SH3PXD2A: variants seen among roughly 807,000 people sequenced by gnomAD.
SH3PXD2A encodes the protein SH3 and PX domain-containing protein 2A.
Under a neutral mutation model 115.2 loss-of-function variants are expected in SH3PXD2A, and 32 were observed. That is an observed-to-expected ratio of 0.28 (90% CI 0.21 to 0.37). The LOEUF (loss-of-function observed/expected upper bound fraction) is 0.37, where lower values mean the gene tolerates loss of function less well. Ranked by LOEUF, SH3PXD2A falls within the 10% of genes least tolerant of loss-of-function variation. SH3PXD2A has a pLI of 1.00. For synonymous variants in SH3PXD2A, 610 were observed against 629.1 expected (o/e 0.97, Z 0.45); for missense variants, 1,328 against 1,498.7 (o/e 0.89, Z 1.88).
intron 5 of SH3PXD2A, among the ~76,000 whole-genome samples, chr10:103,694,935 G>C (rs553303285): frequency 1.3e-5 from 2 of 152,222 alleles, no homozygotes; most frequent in Admixed American, 1.3e-4. Flanking sequence ...ACTGGGCAGA[G>C]ACTGAGTCCT....
chr10:103,819,435 G>C (rs564178790), intron 1 of SH3PXD2A, among the ~76,000 whole-genome samples: 1 of 152,142 alleles, frequency 6.6e-6, no homozygotes, highest in Non-Finnish European at 1.5e-5. Context: ...CTAGGGGAGG[G>C]GGCATGACAC....
Position 103,594,918 on chromosome 10 carries a change from C to G in SH3PXD2A, c.*6898G>C, listed in dbSNP as rs1245675213. The G allele has an allele frequency of 1.3e-5, 2 of 152,166 alleles. No individual in the cohort carries two copies. Among genetic ancestry groups the G allele is most frequent in the Non-Finnish European group, 2.9e-5 (2 of 68,036 alleles). 9.4% of individuals were successfully genotyped at this position (152,166 alleles called of 1,614,324 possible). A position where few individuals can be genotyped will look rare whatever the true frequency, so the allele number is the denominator to read the frequency against. Reference sequence around the variant, plus strand: ...AGGTTGCCTTCCTCCCAGATGTGCCCAATGGAGTCTGAACTCTGGTTCTAA... The same window carrying G: ...AGGTTGCCTTCCTCCCAGATGTGCCGAATGGAGTCTGAACTCTGGTTCTAA... On this transcript the variant is annotated 3_prime_UTR_variant, in exon 15 of 15. Coordinates refer to ENST00000369774, the MANE Select transcript of SH3PXD2A (RefSeq NM_001394015.1).
intron 5 of SH3PXD2A, among the ~76,000 whole-genome samples, chr10:103,712,609 C>T (rs938002139): frequency 2.0e-5 from 3 of 152,230 alleles, no homozygotes; most frequent in Non-Finnish European, 2.9e-5. Flanking sequence ...ACTTGGCAGT[C>T]TCAGCAAACC....
At chr10:103,648,339 CTTG>C (rs1383745425) in intron 8 of SH3PXD2A, among the ~76,000 whole-genome samples, 1 of 152,142 alleles carries the variant, frequency 6.6e-6, no homozygotes, top group African/African-American at 2.4e-5. Flanking sequence ...TTTCATGGCT[CTTG>C]TTTAACTTGA....
intron 2 of SH3PXD2A, among the ~76,000 whole-genome samples, chr10:103,777,089 A>T (rs1481036368): frequency 6.6e-6 from 1 of 152,248 alleles, no homozygotes; most frequent in East Asian, 1.9e-4. Flanking sequence ...TCTGCATTCA[A>T]ATCAGTTTCC....
chr10:103,735,857 A>G, intron 3 of SH3PXD2A, 49 bp from the exon 4 acceptor site: 5 of 1,422,710 alleles, frequency 3.5e-6, no homozygotes, highest in Non-Finnish European at 4.0e-6. Flanking sequence ...AAACTGCTAC[A>G]GAGACCTTCT....
At chr10:103,749,656 C>T (rs557527119) in intron 3 of SH3PXD2A, 17 of 152,378 alleles carry the variant, frequency 1.1e-4, no homozygotes, top group Admixed American at 8.5e-4. Flanking sequence ...ACTCTTGCCT[C>T]GTGGTCCCCT....
intron 6 of SH3PXD2A, among the ~76,000 whole-genome samples, chr10:103,676,917 C>A (rs2037541158): frequency 6.6e-6 from 1 of 152,208 alleles, no homozygotes; most frequent in Non-Finnish European, 1.5e-5. Context: ...CCAATTCCCC[C>A]ACCCTCCAGC....
chr10:103,803,511 C>T (rs539916712), intron 1 of SH3PXD2A, among the ~76,000 whole-genome samples: 10 of 152,290 alleles, frequency 6.6e-5, no homozygotes, highest in Admixed American at 5.9e-4. Flanking sequence ...GTAGCTACCA[C>T]TGTTATTCCC....
rs2036542165 is a variant in SH3PXD2A at position 103,617,788 on chromosome 10, G to A, written c.803-474C>T. On this transcript the variant is annotated intron_variant, in intron 10 of 14. Coordinates refer to ENST00000369774, the MANE Select transcript of SH3PXD2A (RefSeq NM_001394015.1). ...GTCCCAGATGAACTCTCCTATCCCT[G>A]CCCCCAGCTCAGCCTCTTGCATCCT... Among the ~76,000 whole-genome samples the A allele has an allele frequency of 2.0e-5, 3 of 152,110 alleles. No homozygotes were observed. The South Asian group carries it at 6.2e-4, about 32-fold the overall frequency.
chr10:103,814,343 G>A (rs888685608), intron 1 of SH3PXD2A, among the ~76,000 whole-genome samples: 20 of 152,210 alleles, frequency 1.3e-4, no homozygotes, highest in African/African-American at 4.1e-4. Flanking sequence ...GAGAGAATTA[G>A]AAGCACTCAG....
At chr10:103,809,154 T>C (rs2039238354) in intron 1 of SH3PXD2A, among the ~76,000 whole-genome samples, 2 of 152,138 alleles carry the variant, frequency 1.3e-5, no homozygotes, top group South Asian at 4.1e-4. Context: ...AGAGTGGGTG[T>C]TCATTCTTAG....
chr10:103,795,897 G>GAA (rs2039081151), intron 2 of SH3PXD2A, among the ~76,000 whole-genome samples: 1 of 131,570 alleles, frequency 7.6e-6, no homozygotes, highest in Non-Finnish European at 1.6e-5. Flanking sequence ...AGAGAGGGAG[G>GAA]GAGGAAAAGG....
chr10:103,684,857 T>A (rs539460709), intron 6 of SH3PXD2A, among the ~76,000 whole-genome samples: 2 of 150,496 alleles, frequency 1.3e-5, no homozygotes, highest in South Asian at 4.2e-4. Flanking sequence ...AGCGAGACCC[T>A]GTCTCTACAA....
chr10:103,640,967 G>A (rs3824777), intron 8 of SH3PXD2A, among the ~76,000 whole-genome samples: 58,260 of 151,890 alleles, frequency 0.38, 11,243 homozygotes, highest in Middle Eastern at 0.42. Context: ...GCACAACCCA[G>A]CAGGACGGAG....
At chr10:103,841,697 GCCTT>G (rs1282141669) in intron 1 of SH3PXD2A, among the ~76,000 whole-genome samples, 14 of 152,164 alleles carry the variant, frequency 9.2e-5, no homozygotes, top group African/African-American at 3.4e-4. Flanking sequence ...CCACCTCGGG[GCCTT>G]GGCACCTGTT....
intron 8 of SH3PXD2A, among the ~76,000 whole-genome samples, chr10:103,648,847 C>T (rs904174168): frequency 6.6e-6 from 1 of 152,250 alleles, no homozygotes; most frequent in Admixed American, 6.5e-5. Flanking sequence ...CGTGCGTGTG[C>T]ACACCCTTTG....
At chr10:103,854,487 G>A (rs751266500) in intron 1 of SH3PXD2A, among the ~76,000 whole-genome samples, 1 of 152,166 alleles carries the variant, frequency 6.6e-6, no homozygotes, top group African/African-American at 2.4e-5. Context: ...GGGGGAGGAA[G>A]GGGGAGGGGC....
At chr10:103,663,283 C>A (rs1027616587) in intron 7 of SH3PXD2A, among the ~76,000 whole-genome samples, 10 of 152,202 alleles carry the variant, frequency 6.6e-5, no homozygotes. Flanking sequence ...GCACATTAAC[C>A]GCCCCATTTC....
Sources: gnomAD v4.1 joint callset for allele counts (sites outside exome capture counted in the v4.1 genomes callset) on GRCh38, gnomAD v4.1.1 for gene constraint, MANE v1.5 for transcripts, NCBI Gene and HGNC (gene_info 2026-07-23, HGNC 2026-07-21) for gene names.